CABCOCO1: variants seen among roughly 807,000 people sequenced by gnomAD.
The protein encoded by CABCOCO1 is ciliary associated calcium binding coiled-coil 1.
In CABCOCO1, 28 loss-of-function variants were observed where a neutral mutation model predicts 35.7. That is an observed-to-expected ratio of 0.78 (90% CI 0.58 to 1.07). The LOEUF (loss-of-function observed/expected upper bound fraction) is 1.07, where lower values mean the gene tolerates loss of function less well. CABCOCO1 is among the 50% of genes least tolerant of loss of function. CABCOCO1 has a pLI of 0.00. For synonymous variants in CABCOCO1, 95 were observed against 100.1 expected (o/e 0.95, Z 0.30); for missense variants, 326 against 309.2 (o/e 1.05, Z -0.41).
At chr10:61,751,211 CTCTTT>C in intron 5 of CABCOCO1, among the ~76,000 whole-genome samples, 1 of 131,474 alleles carries the variant, frequency 7.6e-6, no homozygotes, top group Non-Finnish European at 1.6e-5. Flanking sequence ...CTTTGCCTTG[CTCTTT>C]TTTTTTTTTT....
Position 61,760,112 on chromosome 10 carries a change from A to C in CABCOCO1, c.606A>C (p.Glu202Asp). 6.2e-7 allele frequency: 1 copy of C among 1,612,516 alleles called. No homozygotes were observed. The highest frequency in any genetic ancestry group is 8.5e-7 in the Non-Finnish European group (1 of 1,178,860). The change falls in exon 6 of 8, where the codon GAA becomes GAC. Residue 202 changes from glutamate (E) to aspartate (D), a missense_variant. By Grantham distance (45) the Glu-to-Asp change is conservative. Coordinates refer to ENST00000648843, the MANE Select transcript of CABCOCO1 (RefSeq NM_001366906.2). Reference protein sequence around the residue: ...SACGPFPNPLEEGISFDIYST... With the variant: ...SACGPFPNPLDEGISFDIYST... The stretch of plus-strand genomic sequence containing the variant: ...GTGGCCCTTTCCCAAATCCTCTGGA[A>C]GAAGGAATCTCATTTGATATTTATT...
intron 5 of CABCOCO1, among the ~76,000 whole-genome samples, chr10:61,752,850 T>C (rs1841819583): frequency 6.6e-6 from 1 of 152,218 alleles, no homozygotes. Context: ...CTTTCAGTTG[T>C]GGACTTCGGG....
At chr10:61,706,935 C>T (rs1253668514) in intron 5 of CABCOCO1, among the ~76,000 whole-genome samples, 2 of 152,100 alleles carry the variant, frequency 1.3e-5, no homozygotes, top group Non-Finnish European at 2.9e-5. Context: ...GTGCCATCCC[C>T]GTTACTTTCC....
intron 5 of CABCOCO1, among the ~76,000 whole-genome samples, chr10:61,697,354 G>A (rs1002790213): frequency 1.8e-4 from 28 of 151,970 alleles, no homozygotes; most frequent in Admixed American, 2.0e-4. Context: ...AAACTATCAA[G>A]TCTTTAGAAT....
chr10:61,735,814 C>T (rs777417410), intron 5 of CABCOCO1, among the ~76,000 whole-genome samples: 1 of 152,106 alleles, frequency 6.6e-6, no homozygotes, highest in Admixed American at 6.5e-5. Context: ...AATTCCTTCC[C>T]ATAGCAGTTC....
At chr10:61,761,286 G>A (rs1842004641) in intron 7 of CABCOCO1, among the ~76,000 whole-genome samples, 1 of 151,922 alleles carries the variant, frequency 6.6e-6, no homozygotes, top group Non-Finnish European at 1.5e-5. Flanking sequence ...TTGTCAAACT[G>A]TAAATGTTGC....
In CABCOCO1 at chr10:61,682,352, A is replaced by T. The variant is rs537830032; in HGVS notation, c.334+1040A>T. On this transcript the variant is annotated intron_variant, in intron 3 of 7. Coordinates refer to ENST00000648843, the MANE Select transcript of CABCOCO1 (RefSeq NM_001366906.2). ...CTAGTTTTTCCTCCTGGCAGAAAAA[A>T]TTTTTTTTAAAAATCCCTCCACACT... Among the ~76,000 whole-genome samples, 681 of 152,248 alleles carry T rather than the reference A, an allele frequency of 4.5e-3. 6 individuals carry two copies. Among genetic ancestry groups the T allele is most frequent in the African/African-American group, 0.015 (614 of 41,518 alleles).
Position 61,760,997 on chromosome 10 carries a change from C to T in CABCOCO1, c.810C>T (p.Gly270=). The T allele has an allele frequency of 6.2e-7, 1 of 1,611,792 alleles. No individual in the cohort carries two copies. The highest frequency in any genetic ancestry group is 8.5e-7 in the Non-Finnish European group (1 of 1,178,830). Residue 270 remains glycine (G), a synonymous_variant, in exon 7 of 8, where the codon GGC becomes GGT. Transcript: ENST00000648843. ...AAGTCACAGATGACATTTTAATCGGCATTCAGGTACTCAGTATTGATAGTA... is the reference window on the plus strand; with the variant it reads ...AAGTCACAGATGACATTTTAATCGGTATTCAGGTACTCAGTATTGATAGTA... ...LDQVTDDILI[G]IQTEINEKLQ... is the part of the protein sequence containing the mutation.
At chr10:61,716,621 C>T (rs1174994790) in intron 5 of CABCOCO1, among the ~76,000 whole-genome samples, 1 of 152,160 alleles carries the variant, frequency 6.6e-6, no homozygotes, top group Non-Finnish European at 1.5e-5. Context: ...TCATTTTTAT[C>T]TCTACCTTTC....
intron 4 of CABCOCO1, 54 bp from the exon 5 acceptor site, chr10:61,690,495 T>G: frequency 8.3e-7 from 1 of 1,198,246 alleles, no homozygotes; most frequent in African/African-American, 1.5e-5. Context: ...TTACATATTG[T>G]GTTTTTTTTC....
intron 5 of CABCOCO1, among the ~76,000 whole-genome samples, chr10:61,737,993 G>A (rs10821919): frequency 0.5 from 75,929 of 150,536 alleles, 22,455 homozygotes; most frequent in Middle Eastern, 0.71. Flanking sequence ...GAAAATGTGG[G>A]AAATATCTTC....
intron 5 of CABCOCO1, among the ~76,000 whole-genome samples, chr10:61,716,960 T>C (rs1840882818): frequency 6.6e-6 from 1 of 152,166 alleles, no homozygotes; most frequent in Non-Finnish European, 1.5e-5. Flanking sequence ...TAAATAATAG[T>C]TGTGTGTATT....
At chr10:61,705,537 A>G (rs756568180) in intron 5 of CABCOCO1, among the ~76,000 whole-genome samples, 102 of 152,222 alleles carry the variant, frequency 6.7e-4, no homozygotes, top group Non-Finnish European at 1.3e-3. Context: ...GAGCCTAGCA[A>G]GAGAAACAGA....
chr10:61,703,980 G>A (rs1840531698), intron 5 of CABCOCO1, among the ~76,000 whole-genome samples: 1 of 152,218 alleles, frequency 6.6e-6, no homozygotes, highest in African/African-American at 2.4e-5. Context: ...GGGAGGCCAA[G>A]GTGGGCAGAT....
chr10:61,760,688 TGC>T (rs1841991167), intron 6 of CABCOCO1, among the ~76,000 whole-genome samples, 173 bp from the exon 7 acceptor site: 1 of 152,046 alleles, frequency 6.6e-6, no homozygotes, highest in Non-Finnish European at 1.5e-5. Flanking sequence ...GGTTGATAGG[TGC>T]AGAAAACCAC....
At chr10:61,698,334 G>T (rs1840349140) in intron 5 of CABCOCO1, among the ~76,000 whole-genome samples, 1 of 152,012 alleles carries the variant, frequency 6.6e-6, no homozygotes, top group Non-Finnish European at 1.5e-5. Flanking sequence ...ACAGCTCCAG[G>T]GGCACCATTC....
At chr10:61,753,392 C>T (rs1338651126) in intron 5 of CABCOCO1, among the ~76,000 whole-genome samples, 1 of 151,964 alleles carries the variant, frequency 6.6e-6, no homozygotes, top group African/African-American at 2.4e-5. Context: ...TATAATGGAA[C>T]CATACTTTTC....
chr10:61,737,406 G>A (rs2083994), intron 5 of CABCOCO1, among the ~76,000 whole-genome samples: 33,068 of 151,980 alleles, frequency 0.22, 4,254 homozygotes, highest in East Asian at 0.55. Flanking sequence ...TTCTCAAAAA[G>A]CTAAAAGCAG....
chr10:61,675,352 C>A (rs12784615), intron 2 of CABCOCO1, among the ~76,000 whole-genome samples: 24,706 of 151,978 alleles, frequency 0.16, 2,760 homozygotes, highest in African/African-American at 0.29. Flanking sequence ...CTTTGGAGTA[C>A]AATGACCGAG....
Sources: allele counts gnomAD v4.1 joint callset (sites outside exome capture counted in the v4.1 genomes callset), GRCh38; gene constraint gnomAD v4.1.1; transcripts MANE v1.5; gene names NCBI Gene and HGNC (gene_info 2026-07-23, HGNC 2026-07-21).